The following AGBL1 variants were observed in gnomAD, a reference collection of about 807,000 sequenced individuals.
The protein encoded by AGBL1 is AGBL carboxypeptidase 1, also known as cytosolic carboxypeptidase 4.
Under a neutral mutation model 118.9 loss-of-function variants are expected in AGBL1, and 130 were observed. The observed-to-expected ratio is 1.09, with a 90% CI of 0.95 to 1.26. The LOEUF is 1.26. AGBL1 is among the 50% of genes most tolerant of loss of function. The pLI, the probability that AGBL1 is intolerant of heterozygous loss-of-function variation, is 0.00. For synonymous variants in AGBL1, 555 were observed against 478.9 expected, an observed-to-expected ratio of 1.16 and a Z score of -2.08; for missense variants, 1,584 against 1,298.1, an observed-to-expected ratio of 1.22 and a Z score of -3.38.
intron 5 of AGBL1, among the ~76,000 whole-genome samples, chr15:86,185,164 A>G (rs979737435): frequency 1.1e-4 from 17 of 152,246 alleles, no homozygotes; most frequent in Admixed American, 3.9e-4. Flanking sequence ...AATGCTCATC[A>G]TCACTGGCCA....
chr15:86,415,322 G>C (rs1441777749), intron 18 of AGBL1, among the ~76,000 whole-genome samples: 3 of 152,156 alleles, frequency 2.0e-5, no homozygotes. Context: ...TAGCAGCTGA[G>C]GAATGAATTC....
intron 18 of AGBL1, among the ~76,000 whole-genome samples, chr15:86,399,293 C>T (rs2081410828): frequency 6.6e-6 from 1 of 152,152 alleles, no homozygotes; most frequent in Non-Finnish European, 1.5e-5. Flanking sequence ...CTCCTCCCTG[C>T]TTGAGCAGCC....
At chr15:86,628,433 C>T (rs1567090862) in intron 21 of AGBL1, among the ~76,000 whole-genome samples, 1 of 152,170 alleles carries the variant, frequency 6.6e-6, no homozygotes, top group Non-Finnish European at 1.5e-5. Context: ...GAACATAGCA[C>T]TGATAGGCGC....
At chr15:86,112,315 C>T (rs1414558128) in intron 1 of AGBL1, among the ~76,000 whole-genome samples, 1 of 151,968 alleles carries the variant, frequency 6.6e-6, no homozygotes, top group African/African-American at 2.4e-5. Flanking sequence ...TTTGTCATTC[C>T]ACATCTTGTT....
At chr15:87,002,000 AT>A (rs1429868891) in intron 24 of AGBL1, among the ~76,000 whole-genome samples, 1 of 151,954 alleles carries the variant, frequency 6.6e-6, no homozygotes, top group Non-Finnish European at 1.5e-5. Context: ...CCATTTGTCA[AT>A]TTTGGCTTTG....
Position 86,622,784 on chromosome 15 carries a change from C to T in AGBL1, c.2995-51489C>T, listed in dbSNP as rs78280351. 1.7e-3 allele frequency among the ~76,000 whole-genome samples: 259 copies of T among 152,174 alleles called. 4 individuals are homozygous for T. In the East Asian group the frequency reaches 0.018, roughly 11 times the overall value. On this transcript the variant is annotated intron_variant, in intron 21 of 22. Coordinates refer to ENST00000614907, the MANE Select transcript of AGBL1 (RefSeq NM_001386094.1). ...AGGATGATTCAAGGGCACTGTTTAC[C>T]GTGTACTTTATTTTTATTAATATTA... is the stretch of plus-strand genomic sequence containing the variant.
chr15:86,833,392 GT>G, intron 22 of AGBL1, among the ~76,000 whole-genome samples: 1 of 152,088 alleles, frequency 6.6e-6, no homozygotes, highest in East Asian at 2.0e-4. Flanking sequence ...ATGGGGGCTG[GT>G]TTTTCCCATG....
chr15:86,574,384 A>G (rs1340415431), intron 21 of AGBL1, among the ~76,000 whole-genome samples: 2 of 152,134 alleles, frequency 1.3e-5, no homozygotes, highest in African/African-American at 4.8e-5. Context: ...TTTGCTCTCT[A>G]GTAGCAGCAA....
At chr15:86,124,469 C>G (rs4887187) in intron 1 of AGBL1, among the ~76,000 whole-genome samples, 27,882 of 151,962 alleles carry the variant, frequency 0.18, 2,979 homozygotes, top group Non-Finnish European at 0.23. Flanking sequence ...AATAACACAA[C>G]AGGTTATAAA....
intron 22 of AGBL1, among the ~76,000 whole-genome samples, chr15:86,824,020 G>A (rs1596519946): frequency 6.6e-6 from 1 of 152,028 alleles, no homozygotes; most frequent in African/African-American, 2.4e-5. Context: ...TTGGGAACAA[G>A]GCAAGGATGT....
At chr15:86,983,862 G>A (rs2141726511) in intron 23 of AGBL1, among the ~76,000 whole-genome samples, 1 of 152,270 alleles carries the variant, frequency 6.6e-6, no homozygotes. Flanking sequence ...CCATGTTGTT[G>A]TGTACATAGG....
At chr15:86,211,857 A>C (rs1023701088) in intron 5 of AGBL1, among the ~76,000 whole-genome samples, 8 of 152,058 alleles carry the variant, frequency 5.3e-5, no homozygotes, top group African/African-American at 1.9e-4. Flanking sequence ...CCACTGTCCC[A>C]CCAGTCCCAA....
In AGBL1 at chr15:86,702,147, A is replaced by C. The variant is rs566442485; in HGVS notation, c.3158+27711A>C. Among the ~76,000 whole-genome samples, 24 of 152,304 alleles carry C rather than the reference A, an allele frequency of 1.6e-4. No individual in the cohort carries two copies. In the South Asian group the frequency reaches 4.8e-3, roughly 30 times the overall value. On this transcript the variant is annotated intron_variant, in intron 22 of 22. Transcript: ENST00000614907. The stretch of plus-strand genomic sequence containing the variant: ...AAACAAATGTAAATATCAGAGTATT[A>C]CAAAGAAATATAGACATGAGTAAAG...
intron 23 of AGBL1, among the ~76,000 whole-genome samples, chr15:86,940,634 T>C (rs965572366): frequency 2.0e-5 from 3 of 152,226 alleles, no homozygotes; most frequent in African/African-American, 7.2e-5. Context: ...GAGTCACTTA[T>C]GCTGAGGCTC....
chr15:86,904,459 T>C (rs2141587503), intron 22 of AGBL1, among the ~76,000 whole-genome samples: 1 of 150,778 alleles, frequency 6.6e-6, no homozygotes, highest in Non-Finnish European at 1.5e-5. Flanking sequence ...CTTAATTCCT[T>C]ATTAGAATGC....
At position 86,417,956 on chromosome 15, in the gene AGBL1, T is replaced by C. The variant is rs202196097; in HGVS notation, c.2555+20410T>C. ...AATAAAGCCTCGAAGTTATTTTTTA[T>C]ATTAATTGCCATTAACCTGAAAGTA... On this transcript the variant is annotated intron_variant, in intron 18 of 22. Transcript: ENST00000614907. 1.1e-4 allele frequency among the ~76,000 whole-genome samples: 17 copies of C among 152,340 alleles called. No homozygotes were observed. In the East Asian group the frequency reaches 3.3e-3, roughly 29 times the overall value.
At chr15:87,024,829 G>C (rs1293691579) in intron 24 of AGBL1, among the ~76,000 whole-genome samples, 1 of 151,456 alleles carries the variant, frequency 6.6e-6, no homozygotes, top group Non-Finnish European at 1.5e-5. Context: ...GTTTAGCATA[G>C]GCAAGTCAAT....
chr15:86,423,566 G>T (rs574499257), intron 18 of AGBL1, among the ~76,000 whole-genome samples: 1 of 152,134 alleles, frequency 6.6e-6, no homozygotes, highest in Non-Finnish European at 1.5e-5. Context: ...GAAATAAAGG[G>T]TATTCAGATA....
intron 21 of AGBL1, among the ~76,000 whole-genome samples, chr15:86,595,629 T>G (rs1373603951): frequency 6.6e-6 from 1 of 152,176 alleles, no homozygotes; most frequent in African/African-American, 2.4e-5. Context: ...ATCACCTCTT[T>G]CTTGGACTAT....
Sources: gnomAD v4.1 joint callset for allele counts (sites outside exome capture counted in the v4.1 genomes callset) on GRCh38, gnomAD v4.1.1 for gene constraint, MANE v1.5 for transcripts, NCBI Gene and HGNC (gene_info 2026-07-23, HGNC 2026-07-21) for gene names.